Variants in CORO7 observed in about 807,000 individuals in gnomAD.
CORO7 encodes coronin 7, also known as coronin-7.
A neutral mutation model predicts 126.6 loss-of-function variants in CORO7; 107 were observed. The observed-to-expected ratio is 0.85, with a 90% CI of 0.72 to 0.99. The LOEUF (loss-of-function observed/expected upper bound fraction) is 0.99. Ranked by LOEUF, CORO7 falls within the 50% of genes least tolerant of loss-of-function variation. The probability of loss-of-function intolerance (pLI) is 0.00; values close to 1 mark genes in which losing one functional copy is unlikely to be tolerated. For synonymous variants in CORO7, 603 were observed against 536.8 expected (o/e 1.12, Z -1.70); for missense variants, 1,314 against 1,255.8 (o/e 1.05, Z -0.70).
At chr16:4,395,200 G>C (rs964674759) in intron 7 of CORO7, 89 bp downstream of exon 7, 2 of 1,592,292 alleles carry the variant, frequency 1.3e-6, no homozygotes, top group African/African-American at 2.7e-5. Context: ...CAGGACCCCA[G>C]GCCTGCCCCT....
intron 1 of CORO7, chr16:4,414,543 C>T (rs1308052308): frequency 1.3e-5 from 2 of 152,220 alleles, no homozygotes; most frequent in Non-Finnish European, 2.9e-5. Context: ...TGTTCACCTG[C>T]CATGGTTACA....
Position 4,364,648 on chromosome 16 carries a change from G to A in CORO7, c.1086C>T (p.Gly362=), listed in dbSNP as rs773053803. The change falls in exon 13 of 28, where the codon GGC becomes GGT. Residue 362 remains glycine (G), a synonymous_variant. Transcript: ENST00000251166. ...FHEDLFPDTA[G]CVPATDPHSW... ...TATGGGGGTCGGTGGCAGGCACACA[G>A]CCGGCAGTGTCCGGGAACAGGTCCT... The A allele has an allele frequency of 2.5e-5, 40 of 1,579,160 alleles. No homozygotes were observed. Among genetic ancestry groups the A allele is most frequent in the Non-Finnish European group, 3.4e-5 (39 of 1,163,444 alleles).
rs557994866 is a variant in CORO7 at position 4,377,928 on chromosome 16, C to T, written c.785+10058G>A. 2.0e-5 allele frequency among the ~76,000 whole-genome samples: 3 copies of T among 152,302 alleles called. No individual in the cohort carries two copies. In the East Asian group the frequency reaches 5.8e-4, roughly 29 times the overall value. On this transcript the variant is annotated intron_variant, in intron 9 of 27. Transcript: ENST00000251166. ...TAGACCCCTGTCCTGCTAACAGGAA[C>T]GCACATTCCACAGCTCACTACCTGT...
chr16:4,372,061 C>T (rs1056724103), intron 9 of CORO7: 7 of 151,828 alleles, frequency 4.6e-5, no homozygotes, highest in Admixed American at 3.9e-4. Flanking sequence ...TGTGCACACG[C>T]GCGGGGACCG....
chr16:4,398,495 G>A (rs1291699), intron 6 of CORO7, among the ~76,000 whole-genome samples: 10,192 of 151,980 alleles, frequency 0.067, 551 homozygotes, highest in South Asian at 0.22. Flanking sequence ...GTGAAACCCC[G>A]TCTCTACTAA....
chr16:4,382,991 C>A, intron 9 of CORO7: 1 of 1,338,230 alleles, frequency 7.5e-7, no homozygotes, highest in Non-Finnish European at 1.0e-6. Flanking sequence ...TTCTCAGTCC[C>A]AACCTCGGGG....
intron 9 of CORO7, chr16:4,380,767 T>A (rs1313784518): frequency 7.8e-7 from 1 of 1,282,078 alleles, no homozygotes; most frequent in Non-Finnish European, 1.0e-6. Flanking sequence ...TCTCTTGCAT[T>A]TGGGGGCAGA....
chr16:4,388,977 T>A (rs778164555), intron 7 of CORO7, among the ~76,000 whole-genome samples: 7 of 152,206 alleles, frequency 4.6e-5, no homozygotes, highest in Non-Finnish European at 1.0e-4. Context: ...TGGCACTTTC[T>A]TGCCCCTAAG....
intron 5 of CORO7, among the ~76,000 whole-genome samples, chr16:4,406,182 C>T (rs1228135036): frequency 6.6e-6 from 1 of 152,000 alleles, no homozygotes; most frequent in Non-Finnish European, 1.5e-5. Context: ...GTATTTTTAG[C>T]AGGGACGGAA....
intron 9 of CORO7, among the ~76,000 whole-genome samples, chr16:4,370,900 G>A (rs987356671): frequency 2.6e-5 from 4 of 152,234 alleles, no homozygotes; most frequent in Admixed American, 6.5e-5. Flanking sequence ...AAGGCTCTCC[G>A]GAAGTCAGGA....
At chr16:4,371,579 C>CT (rs2054522530) in intron 9 of CORO7, among the ~76,000 whole-genome samples, 1 of 152,184 alleles carries the variant, frequency 6.6e-6, no homozygotes, top group Non-Finnish European at 1.5e-5. Flanking sequence ...GGCTGTGACG[C>CT]TTAGGATTCC....
chr16:4,412,903 G>A, intron 2 of CORO7: 1 of 227,480 alleles, frequency 4.4e-6, no homozygotes, highest in Non-Finnish European at 8.7e-6. Flanking sequence ...AAGCCAGCTT[G>A]AGGGTCTGAG....
intron 9 of CORO7, among the ~76,000 whole-genome samples, chr16:4,377,427 C>T (rs1289138298): frequency 6.6e-6 from 1 of 152,142 alleles, no homozygotes; most frequent in Admixed American, 6.5e-5. Flanking sequence ...ACCAAGCACA[C>T]GCCCAGACCC....
chr16:4,355,622 C>T (rs1193733564), intron 26 of CORO7: 2 of 468,706 alleles, frequency 4.3e-6, no homozygotes, highest in Non-Finnish European at 7.7e-6. Context: ...GCGCCCACCA[C>T]CATGCCCGGC....
chr16:4,372,622 G>C (rs1342373652), intron 9 of CORO7, among the ~76,000 whole-genome samples: 2 of 152,214 alleles, frequency 1.3e-5, no homozygotes, highest in Non-Finnish European at 2.9e-5. Context: ...GGCTTTGCTT[G>C]GGCTGCAAAC....
chr16:4,410,675 T>C (rs1362422722), intron 3 of CORO7, among the ~76,000 whole-genome samples: 5 of 152,206 alleles, frequency 3.3e-5, no homozygotes, highest in African/African-American at 4.8e-5. Flanking sequence ...GACCGTGTAT[T>C]GTGCGATTCC....
intron 26 of CORO7, among the ~76,000 whole-genome samples, chr16:4,356,205 G>A (rs1322458486): frequency 1.3e-5 from 2 of 151,774 alleles, no homozygotes; most frequent in Admixed American, 6.6e-5. Flanking sequence ...CGCCCTCCTC[G>A]GCCTCCCAAA....
At chr16:4,365,249 T>C (rs2054311561) in intron 10 of CORO7, among the ~76,000 whole-genome samples, 189 bp from the exon 11 acceptor site, 1 of 152,166 alleles carries the variant, frequency 6.6e-6, no homozygotes, top group South Asian at 2.1e-4. Flanking sequence ...CTCAGCCTCG[T>C]TGCACATGGG....
In CORO7 at chr16:4,365,079, G is replaced by T; in HGVS notation, c.841-19C>A. 1 of 1,586,784 alleles carries T rather than the reference G, an allele frequency of 6.3e-7. No homozygotes were observed. ...TCTCGCCCTGAAATGAGTCTGAACT[G>T]AGCCCCGTTTGCTGACTGAACCCCT... On this transcript the variant is annotated intron_variant, in intron 10 of 27. Transcript: ENST00000251166.
Sources: gnomAD v4.1 joint callset for allele counts (sites outside exome capture counted in the v4.1 genomes callset) on GRCh38, gnomAD v4.1.1 for gene constraint, MANE v1.5 for transcripts, NCBI Gene and HGNC (gene_info 2026-07-23, HGNC 2026-07-21) for gene names.